ANKRD28: variants seen among roughly 807,000 people sequenced by gnomAD.
ANKRD28 encodes ankyrin repeat domain 28, also known as serine/threonine-protein phosphatase 6 regulatory ankyrin repeat subunit A.
Under a neutral mutation model 126.5 loss-of-function variants are expected in ANKRD28, and 44 were observed. The ratio of observed to expected loss-of-function variants is 0.35; its 90% CI spans 0.27 to 0.45. ANKRD28 has a LOEUF of 0.45. ANKRD28 is among the 20% of genes least tolerant of loss of function. The pLI is 1.00. For missense variants in ANKRD28, 1,110 were observed against 1,316.6 expected (o/e 0.84, Z 2.43); for synonymous variants, 442 against 468.5 (o/e 0.94, Z 0.73).
chr3:15,707,157 T>G (rs905542142), intron 14 of ANKRD28, among the ~76,000 whole-genome samples: 7 of 152,208 alleles, frequency 4.6e-5, no homozygotes, highest in African/African-American at 1.4e-4. Context: ...ATTACTTATT[T>G]CTGCCAATGG....
At chr3:15,757,456 T>A (rs895325540) in intron 3 of ANKRD28, among the ~76,000 whole-genome samples, 2 of 152,246 alleles carry the variant, frequency 1.3e-5, no homozygotes, top group Non-Finnish European at 2.9e-5. Flanking sequence ...TCATACTTAT[T>A]AAACCTTGTC....
chr3:15,784,001 C>T (rs907293879), intron 2 of ANKRD28, among the ~76,000 whole-genome samples: 5 of 151,508 alleles, frequency 3.3e-5, no homozygotes, highest in Non-Finnish European at 7.4e-5. Flanking sequence ...GCCATGAAAG[C>T]AAGAAAAGAG....
At chr3:15,807,570 A>G (rs1315513318) in intron 1 of ANKRD28, among the ~76,000 whole-genome samples, 1 of 152,212 alleles carries the variant, frequency 6.6e-6, no homozygotes, top group African/African-American at 2.4e-5. Flanking sequence ...TTTCCTATTA[A>G]TCTCATCTTC....
chr3:15,732,493 G>A (rs1354556870), intron 6 of ANKRD28: 1 of 152,150 alleles, frequency 6.6e-6, no homozygotes, highest in East Asian at 1.9e-4. Context: ...AACCTTATCT[G>A]CTATTTGGTG....
upstream of ANKRD28, among the ~76,000 whole-genome samples, chr3:15,798,760 C>A (rs956471910): frequency 6.6e-6 from 1 of 152,038 alleles, no homozygotes; most frequent in Non-Finnish European, 1.5e-5. Context: ...CAAAGCCAAT[C>A]ATTTCATCGT....
At chr3:15,852,173 C>T (rs1474016030) in intron 1 of ANKRD28, among the ~76,000 whole-genome samples, 1 of 152,118 alleles carries the variant, frequency 6.6e-6, no homozygotes, top group Non-Finnish European at 1.5e-5. Flanking sequence ...CTTAATTGTA[C>T]AATTTAAGTT....
At chr3:15,722,894 A>G (rs1255802849) in intron 7 of ANKRD28, among the ~76,000 whole-genome samples, 2 of 152,122 alleles carry the variant, frequency 1.3e-5, no homozygotes, top group Non-Finnish European at 2.9e-5. Context: ...AATTTCTATT[A>G]GCCCTCCAGT....
intron 2 of ANKRD28, among the ~76,000 whole-genome samples, chr3:15,771,937 A>G (rs762603488): frequency 1.1e-4 from 16 of 152,212 alleles, no homozygotes; most frequent in South Asian, 2.1e-4. Flanking sequence ...TTCAAAGCAT[A>G]TTTCAGTAGT....
rs1459445140 is a variant in ANKRD28, at chr3:15,830,874, A to T, written c.27+28503T>A. Among the ~76,000 whole-genome samples, 1 of 152,170 alleles carries T rather than the reference A, an allele frequency of 6.6e-6. No homozygotes were observed. Among genetic ancestry groups the T allele is most frequent in the Non-Finnish European group, 1.5e-5 (1 of 68,040 alleles). On this transcript the variant is annotated intron_variant, in intron 1 of 27. Coordinates refer to the ANKRD28 transcript ENST00000399451. This position sits in a 1 kb window ranked among gnomAD's most constrained non-coding sequence, Gnocchi z 4.5. ...GGGGATGGAGACTAACATCAGCCAC[A>T]GGTGTGGTCAACCATACCTATGTGA...
At chr3:15,767,479 C>T (rs1049882088) in intron 2 of ANKRD28, among the ~76,000 whole-genome samples, 6 of 151,950 alleles carry the variant, frequency 3.9e-5, no homozygotes, top group African/African-American at 1.5e-4. Context: ...TTCCTGGCCT[C>T]CCTTGAAGTT....
intron 1 of ANKRD28, among the ~76,000 whole-genome samples, chr3:15,857,486 T>A (rs2061799131): frequency 6.6e-6 from 1 of 152,222 alleles, no homozygotes; most frequent in South Asian, 2.1e-4. Flanking sequence ...GGTTTCACCA[T>A]GTTGGCCAGG....
rs982470613 is a variant in ANKRD28 at position 15,816,373 on chromosome 3, A to C, written c.28-21067T>G. Among the ~76,000 whole-genome samples, 16 of 152,330 alleles carry C rather than the reference A, an allele frequency of 1.1e-4. No homozygotes were observed. The East Asian group carries it at 2.9e-3, about 27-fold the overall frequency. On this transcript the variant is annotated intron_variant, in intron 1 of 27. Transcript: ENST00000399451. This position sits in a 1 kb window ranked among gnomAD's most constrained non-coding sequence, Gnocchi z 5.0. ...AATAGTTTCAGGTTTCATGAAACTT[A>C]CACAAAATCTCTCATGTATTTCCTT...
At chr3:15,774,621 CAAGTT>C (rs1229757617) in intron 2 of ANKRD28, among the ~76,000 whole-genome samples, 1 of 152,048 alleles carries the variant, frequency 6.6e-6, no homozygotes, top group African/African-American at 2.4e-5. Flanking sequence ...CTTTACAACT[CAAGTT>C]AGGGAAAGAC....
At chr3:15,756,028 A>G (rs2058135590) in intron 3 of ANKRD28, among the ~76,000 whole-genome samples, 1 of 152,236 alleles carries the variant, frequency 6.6e-6, no homozygotes, top group Non-Finnish European at 1.5e-5. Context: ...GCACCTCATT[A>G]AATTCAAAAT....
chr3:15,676,135 G>C, intron 26 of ANKRD28, 146 bp from the exon 27 acceptor site: 1 of 533,908 alleles, frequency 1.9e-6, no homozygotes, highest in Non-Finnish European at 3.3e-6. Context: ...AACAAAGATG[G>C]GGGCAGGGAG....
At chr3:15,719,384 T>C (rs2073442805) in intron 8 of ANKRD28, among the ~76,000 whole-genome samples, 1 of 152,208 alleles carries the variant, frequency 6.6e-6, no homozygotes, top group South Asian at 2.1e-4. Context: ...TCTGGTTTTC[T>C]TCATACCACC....
chr3:15,753,295 G>A lies in ANKRD28; in HGVS notation c.281-1475C>T, dbSNP rs1026142475. 5.3e-5 allele frequency among the ~76,000 whole-genome samples: 8 copies of A among 152,356 alleles called. No individual in the cohort carries two copies. In the East Asian group the frequency reaches 7.7e-4, roughly 15 times the overall value. On this transcript the variant is annotated intron_variant, in intron 3 of 27. Transcript: ENST00000683139. Reference sequence around the variant, plus strand: ...ACTGCCTAATCACAGTAATGCCAACGTTTGTTTTGGGTAGAAGACGGAATG... The same window carrying A: ...ACTGCCTAATCACAGTAATGCCAACATTTGTTTTGGGTAGAAGACGGAATG...
intron 8 of ANKRD28, 44 bp downstream of exon 8, chr3:15,720,871 C>A: frequency 6.4e-6 from 10 of 1,554,572 alleles, no homozygotes; most frequent in Non-Finnish European, 7.9e-6. Flanking sequence ...GTTGTTTTAA[C>A]AGTGACATAT....
At chr3:15,750,893 T>C (rs1159023372) in intron 4 of ANKRD28, among the ~76,000 whole-genome samples, 1 of 152,172 alleles carries the variant, frequency 6.6e-6, no homozygotes, top group African/African-American at 2.4e-5. Flanking sequence ...AAACTTATAC[T>C]ATCACATACT....
Sources: gnomAD v4.1 joint callset for allele counts (sites outside exome capture counted in the v4.1 genomes callset) on GRCh38, gnomAD v4.1.1 for gene constraint, Gnocchi (gnomAD v3.1) non-coding constraint, MANE v1.5 for transcripts, NCBI Gene and HGNC (gene_info 2026-07-23, HGNC 2026-07-21) for gene names.